The following SLC39A14 variants were observed in gnomAD, a reference collection of about 807,000 sequenced individuals.
SLC39A14 encodes the protein solute carrier family 39 member 14, also known as metal cation symporter ZIP14.
In SLC39A14, 19 loss-of-function variants were observed where a neutral mutation model predicts 45.5. The observed-to-expected ratio is 0.42, with a 90% CI of 0.29 to 0.61. The LOEUF (loss-of-function observed/expected upper bound fraction) is 0.61, where lower values mean the gene tolerates loss of function less well. Ranked by LOEUF, SLC39A14 falls within the 20% of genes least tolerant of loss-of-function variation. The pLI is 0.22. For missense variants in SLC39A14, 447 were observed against 616.5 expected, an observed-to-expected ratio of 0.73 and a Z score of 2.91; for synonymous variants, 264 against 251.3, an observed-to-expected ratio of 1.05 and a Z score of -0.48.
intron 1 of SLC39A14, chr8:22,393,370 T>TTCTGAC: frequency 1.1e-5 from 4 of 365,654 alleles, no homozygotes; most frequent in Non-Finnish European, 1.1e-5. Flanking sequence ...GGTGTCAGCC[T>TTCTGAC]AGGTCAGCTT....
chr8:22,421,816 A>G lies in SLC39A14; in HGVS notation c.*2118A>G. On this transcript the variant is annotated 3_prime_UTR_variant, in exon 9 of 9. Coordinates refer to ENST00000381237, the MANE Select transcript of SLC39A14 (RefSeq NM_001128431.4). ...TAGTGGATTTCTAGTTTAGGAGAGGAGCTCAAAACTATAATCTTTAACAAA... is the reference window on the plus strand; with the variant it reads ...TAGTGGATTTCTAGTTTAGGAGAGGGGCTCAAAACTATAATCTTTAACAAA... 1.0e-6 allele frequency: 1 copy of G among 984,756 alleles called. No homozygotes were observed. The highest frequency in any genetic ancestry group is 1.2e-6 in the Non-Finnish European group (1 of 829,326). 61.0% of individuals were successfully genotyped at this position (984,756 alleles called of 1,614,324 possible).
chr8:22,379,124 C>T (rs999282762), intron 1 of SLC39A14, among the ~76,000 whole-genome samples: 8 of 152,182 alleles, frequency 5.3e-5, no homozygotes, highest in Non-Finnish European at 7.3e-5. Flanking sequence ...TCTGTCTTCA[C>T]GTGGCCTTCC....
At chr8:22,368,539 GTATTTTATTT>G (rs1301121264) in intron 1 of SLC39A14, among the ~76,000 whole-genome samples, 2 of 24,744 alleles carry the variant, frequency 8.1e-5, no homozygotes, top group Admixed American at 4.4e-4. Context: ...TTATTTTATT[GTATTTTATTT>G]TATTTGAGAC....
chr8:22,425,163 T>TA (rs1190540763), downstream of SLC39A14, among the ~76,000 whole-genome samples: 1 of 152,206 alleles, frequency 6.6e-6, no homozygotes, highest in East Asian at 1.9e-4. Flanking sequence ...TATGCTTTAT[T>TA]ACTCGGTCCA....
At chr8:22,415,578 G>T (rs1217596159) in intron 5 of SLC39A14, 191 bp from the exon 6 acceptor site, 1 of 549,246 alleles carries the variant, frequency 1.8e-6, no homozygotes, top group Non-Finnish European at 3.1e-6. Context: ...TTACAGGTGT[G>T]AGCCACCGTG....
intron 1 of SLC39A14, among the ~76,000 whole-genome samples, chr8:22,393,546 T>C (rs1190800729): frequency 1.3e-5 from 2 of 152,238 alleles, no homozygotes; most frequent in Admixed American, 6.5e-5. Flanking sequence ...TTTCGTAAAC[T>C]GGGACTCACA....
chr8:22,404,606 T>C (rs1423204208), intron 1 of SLC39A14, 90 bp from the exon 2 acceptor site: 2 of 1,255,788 alleles, frequency 1.6e-6, no homozygotes, highest in East Asian at 2.3e-5. Context: ...AGGGATAGTC[T>C]CAACATGTTC....
downstream of SLC39A14, among the ~76,000 whole-genome samples, chr8:22,423,436 C>T (rs1836322043): frequency 1.3e-5 from 2 of 151,428 alleles, no homozygotes. Context: ...CCCGGGTTCA[C>T]GCCATTCTCC....
rs1835129490 is a variant in SLC39A14, at chr8:22,404,999, C to T, written c.270+19C>T. On this transcript the variant is annotated intron_variant, in intron 2 of 8. Transcript: ENST00000381237. Reference sequence around the variant, plus strand: ...CTCCACGGTAAGGCTCCCCTGTGAGCCAGCAGCTCTGCTCAGCCCCGTCTC... The same window carrying T: ...CTCCACGGTAAGGCTCCCCTGTGAGTCAGCAGCTCTGCTCAGCCCCGTCTC... 1.2e-6 allele frequency: 2 copies of T among 1,608,464 alleles called. No homozygotes were observed. The highest frequency in any genetic ancestry group is 1.7e-6 in the Non-Finnish European group (2 of 1,176,844).
At chr8:22,426,303 C>T (rs1269985969), downstream of SLC39A14, among the ~76,000 whole-genome samples, 1 of 152,154 alleles carries the variant, frequency 6.6e-6, no homozygotes, top group Admixed American at 6.5e-5. Flanking sequence ...TCAAGTGATT[C>T]TCCCACCTCA....
At chr8:22,401,539 C>CTTTTTTTTTTTTTTTTTTTTTTTTT (rs1478354009) in intron 1 of SLC39A14, among the ~76,000 whole-genome samples, 1 of 115,716 alleles carries the variant, frequency 8.6e-6, no homozygotes, top group African/African-American at 3.4e-5. Context: ...TTTCTCTTCT[C>CTTTTTTTTTTTTTTTTTTTTTTTTT]TTTCTTTTTT....
intron 5 of SLC39A14, 42 bp from the exon 6 acceptor site, chr8:22,415,727 T>C (rs748970252): frequency 6.3e-7 from 1 of 1,586,714 alleles, no homozygotes; most frequent in Non-Finnish European, 8.6e-7. Flanking sequence ...GGTTTGTGGT[T>C]TTGGTGAATG....
chr8:22,375,052 C>T (rs1833139318), intron 1 of SLC39A14, among the ~76,000 whole-genome samples: 1 of 152,072 alleles, frequency 6.6e-6, no homozygotes, highest in South Asian at 2.1e-4. Context: ...GGCCAGCCTG[C>T]TCTTATCTGG....
At chr8:22,407,434 C>T (rs1046204319) in intron 2 of SLC39A14, among the ~76,000 whole-genome samples, 8 of 151,880 alleles carry the variant, frequency 5.3e-5, no homozygotes, top group African/African-American at 1.7e-4. Context: ...GATCTCGGCT[C>T]GCTGCAACCT....
At position 22,412,304 on chromosome 8, in the gene SLC39A14, C is replaced by T; in HGVS notation, c.627+98C>T. ...GGCATAGAGAGGGCACCTGGAGGCCCTTTCCTTTTGGAAAGCGAAGCTAGA... is the reference window on the plus strand; with the variant it reads ...GGCATAGAGAGGGCACCTGGAGGCCTTTTCCTTTTGGAAAGCGAAGCTAGA... On this transcript the variant is annotated intron_variant, in intron 4 of 8. Coordinates refer to ENST00000381237, the MANE Select transcript of SLC39A14 (RefSeq NM_001128431.4). The T allele has an allele frequency of 1.0e-5, 13 of 1,304,478 alleles. No homozygotes were observed. The South Asian group carries it at 1.8e-4, about 18-fold the overall frequency. 80.8% of individuals were successfully genotyped at this position (1,304,478 alleles called of 1,614,324 possible).
rs558181847 is a variant in SLC39A14 at position 22,416,885 on chromosome 8, G to A, written c.1147+605G>A. 2.0e-5 allele frequency among the ~76,000 whole-genome samples: 3 copies of A among 152,282 alleles called. No homozygotes were observed. In the East Asian group the frequency reaches 5.8e-4, roughly 29 times the overall value. ...GCACCTCCTTTTAGAATAATAGTGA[G>A]GATTAAAGGAAAACAAAGGGTGAGA... On this transcript the variant is annotated intron_variant, in intron 7 of 8. Transcript: ENST00000381237.
chr8:22,368,488 TTTA>T lies in SLC39A14; in HGVS notation c.-16+1083_-16+1085del, dbSNP rs1286005610. On this transcript the variant is annotated intron_variant, in intron 1 of 8. Coordinates refer to ENST00000381237, the MANE Select transcript of SLC39A14 (RefSeq NM_001128431.4). Reference sequence around the variant, plus strand: ...ATACAATTCCGTAATCCTTCCCTCTTTTATTTTATTTTATTTTATTTTATTTTA... The same window carrying T: ...ATACAATTCCGTAATCCTTCCCTCTTTTTTATTTTATTTTATTTTATTTTA... 1.8e-4 allele frequency among the ~76,000 whole-genome samples: 12 copies of T among 66,426 alleles called. No homozygotes were observed. The East Asian group carries it at 7.9e-3, about 43-fold the overall frequency. The allele number at this position is 66,426 out of a possible 152,430, so 43.6% of individuals were successfully genotyped here.
chr8:22,432,977 T>G (rs1229235016), intron 8 of SLC39A14, among the ~76,000 whole-genome samples: 1 of 151,704 alleles, frequency 6.6e-6, no homozygotes, highest in South Asian at 2.1e-4. Context: ...TAAAAAAAAT[T>G]TTTGGTAAAG....
At chr8:22,415,210 C>T in intron 5 of SLC39A14, 1 of 315,358 alleles carries the variant, frequency 3.2e-6, no homozygotes, top group Non-Finnish European at 5.8e-6. Context: ...GAGCTTGATA[C>T]CATGCATTCA....
Sources: allele counts gnomAD v4.1 joint callset (sites outside exome capture counted in the v4.1 genomes callset), GRCh38; gene constraint gnomAD v4.1.1; transcripts MANE v1.5; gene names NCBI Gene and HGNC (gene_info 2026-07-23, HGNC 2026-07-21).